The following AP3B2 variants were observed in gnomAD, a reference collection of about 807,000 sequenced individuals.
AP3B2 encodes the protein adaptor related protein complex 3 subunit beta 2.
In AP3B2, 50 loss-of-function variants were observed where a neutral mutation model predicts 126.9. That is an observed-to-expected ratio of 0.39 (90% CI 0.31 to 0.50). The LOEUF (loss-of-function observed/expected upper bound fraction) is 0.50. AP3B2 is among the 20% of genes least tolerant of loss of function. The pLI, the probability that AP3B2 is intolerant of heterozygous loss-of-function variation, is 0.79. For missense variants in AP3B2, 1,177 were observed against 1,426.4 expected, an observed-to-expected ratio of 0.83 and a Z score of 2.82; for synonymous variants, 541 against 565.0, an observed-to-expected ratio of 0.96 and a Z score of 0.60.
At chr15:82,707,555 C>A (rs376733083) in intron 1 of AP3B2, among the ~76,000 whole-genome samples, 1 of 152,162 alleles carries the variant, frequency 6.6e-6, no homozygotes, top group South Asian at 2.1e-4. Flanking sequence ...TTCTCCAAAC[C>A]ATTACAGCTG....
intron 14 of AP3B2, among the ~76,000 whole-genome samples, chr15:82,675,468 C>T (rs149167113): frequency 3.5e-4 from 54 of 152,344 alleles, no homozygotes; most frequent in African/African-American, 1.2e-3. Flanking sequence ...AAGACTCCCA[C>T]GCACAGTGGA....
chr15:82,696,963 C>G (rs961248067), intron 1 of AP3B2, among the ~76,000 whole-genome samples: 1 of 152,152 alleles, frequency 6.6e-6, no homozygotes, highest in Non-Finnish European at 1.5e-5. Flanking sequence ...CACTAATTTC[C>G]CAGATGACAC....
At chr15:82,698,948 A>C (rs1322561409) in intron 1 of AP3B2, among the ~76,000 whole-genome samples, 1 of 152,134 alleles carries the variant, frequency 6.6e-6, no homozygotes, top group Non-Finnish European at 1.5e-5. Flanking sequence ...ATATGCACTG[A>C]CACAGACCGC....
chr15:82,671,192 A>G (rs994283110), intron 14 of AP3B2, among the ~76,000 whole-genome samples: 4 of 152,218 alleles, frequency 2.6e-5, no homozygotes, highest in Non-Finnish European at 1.5e-5. Context: ...CTGAGGCAGG[A>G]GAATCACTTG....
At chr15:82,684,017 A>G (rs2048386855) in intron 4 of AP3B2, among the ~76,000 whole-genome samples, 1 of 152,208 alleles carries the variant, frequency 6.6e-6, no homozygotes, top group Non-Finnish European at 1.5e-5. Flanking sequence ...CTGTTGTTCC[A>G]TTTATAGAGC....
intron 1 of AP3B2, 173 bp from the exon 2 acceptor site, chr15:82,689,626 T>A: frequency 1.6e-6 from 1 of 611,898 alleles, no homozygotes; most frequent in Non-Finnish European, 2.9e-6. Context: ...GGGAAACATG[T>A]GGCCAGCTAA....
intron 14 of AP3B2, among the ~76,000 whole-genome samples, chr15:82,667,991 G>A (rs969897765): frequency 6.6e-6 from 1 of 152,180 alleles, no homozygotes; most frequent in African/African-American, 2.4e-5. Context: ...GGGCCGGCAG[G>A]AGGGAGCCTG....
chr15:82,707,493 C>T (rs2048814804), intron 1 of AP3B2, among the ~76,000 whole-genome samples: 1 of 152,216 alleles, frequency 6.6e-6, no homozygotes, highest in Non-Finnish European at 1.5e-5. Flanking sequence ...ATTCACCATA[C>T]TCAACTACTC....
At position 82,666,942 on chromosome 15, in the gene AP3B2, A is replaced by G; in HGVS notation, c.1666-9T>C. The G allele has an allele frequency of 6.2e-7, 1 of 1,604,754 alleles. No homozygotes were observed. The highest frequency in any genetic ancestry group is 8.5e-7 in the Non-Finnish European group (1 of 1,172,720). On this transcript the variant is annotated splice_polypyrimidine_tract_variant and intron_variant, in intron 14 of 26. Transcript: ENST00000535359. ...TGGGTCAGCAGCTTGGTCTGGAGGA[A>G]CAGGAAGAGGTGGGTCAGCTGACGG...
intron 1 of AP3B2, among the ~76,000 whole-genome samples, chr15:82,704,211 T>G (rs1019277984): frequency 1.3e-5 from 2 of 152,220 alleles, no homozygotes; most frequent in Admixed American, 1.3e-4. Flanking sequence ...TTTACAGCCC[T>G]AGACCCTAAA....
At chr15:82,691,772 T>C (rs1017774488) in intron 1 of AP3B2, 3 of 1,566,806 alleles carry the variant, frequency 1.9e-6, no homozygotes, top group African/African-American at 2.7e-5. Context: ...CCGGCTTTAG[T>C]ATGGAGAGTC....
At position 82,665,432 on chromosome 15, in the gene AP3B2, C is replaced by CA; in HGVS notation, c.1971+24dup. 2 of 1,466,332 alleles carry CA rather than the reference C, an allele frequency of 1.4e-6. No individual in the cohort carries two copies. The highest frequency in any genetic ancestry group is 2.3e-5 in the South Asian group (2 of 86,628). 90.8% of individuals were successfully genotyped at this position (1,466,332 alleles called of 1,614,324 possible). On this transcript the variant is annotated intron_variant, in intron 16 of 26. Transcript: ENST00000535359. This position sits in a 1 kb window ranked among gnomAD's most constrained non-coding sequence, Gnocchi z 4.4. The stretch of plus-strand genomic sequence containing the variant: ...ACACACACACACACACACACACACA[C>CA]ACTTCAACCCTCCACCCCGCTGACC...
chr15:82,689,136 T>C (rs1184299763), intron 3 of AP3B2, 22 bp downstream of exon 3: 1 of 1,612,302 alleles, frequency 6.2e-7, no homozygotes, highest in Non-Finnish European at 8.5e-7. Context: ...GGACAAGCAA[T>C]CCCTCACCAG....
intron 1 of AP3B2, among the ~76,000 whole-genome samples, chr15:82,703,142 T>C (rs550571277): frequency 7.4e-4 from 113 of 152,314 alleles, no homozygotes; most frequent in African/African-American, 2.5e-3. Flanking sequence ...GTTTAATCAC[T>C]GCGGGGACGC....
In AP3B2 at chr15:82,681,425, G is replaced by A; in HGVS notation, c.516C>T (p.Leu172=). 6.2e-7 allele frequency: 1 copy of A among 1,613,854 alleles called. No homozygotes were observed. The highest frequency in any genetic ancestry group is 8.5e-7 in the Non-Finnish European group (1 of 1,179,808). The part of the protein sequence containing the change: ...RKTAAHAIPK[L]YSLDSDQKDQ... ...GGGACAGGGCTGGGGCATACCTGTA[G>A]AGTTTAGGGATGGCGTGGGCAGCTG... The change falls in exon 5 of 27, where the codon CTC becomes CTT. Residue 172 remains leucine, a synonymous_variant. Coordinates refer to ENST00000535359, the MANE Select transcript of AP3B2 (RefSeq NM_001278512.2). The surrounding 1 kb of genome is among the most constrained non-coding windows in gnomAD (Gnocchi z 4.0).
intron 13 of AP3B2, 29 bp downstream of exon 13, chr15:82,677,245 G>A: frequency 6.5e-7 from 1 of 1,536,014 alleles, no homozygotes; most frequent in Non-Finnish European, 9.0e-7. Context: ...ACCTTGAAGT[G>A]GGGAGTGAAA....
intron 21 of AP3B2, 81 bp from the exon 22 acceptor site, chr15:82,663,314 G>A (rs1191836211): frequency 4.3e-6 from 5 of 1,164,556 alleles, no homozygotes; most frequent in Non-Finnish European, 6.3e-6. Context: ...CAAGGAGCAC[G>A]CATTTCAGCA....
At chr15:82,682,047 C>CTTTTTCTTTT (rs2048347908) in intron 4 of AP3B2, among the ~76,000 whole-genome samples, 1 of 79,944 alleles carries the variant, frequency 1.3e-5, no homozygotes, top group African/African-American at 5.5e-5. Flanking sequence ...TAGGCCCTTC[C>CTTTTTCTTTT]TTTTTTTTTT....
At chr15:82,662,275 A>AGGG in intron 23 of AP3B2, 23 bp from the exon 24 acceptor site, 4 of 1,559,772 alleles carry the variant, frequency 2.6e-6, no homozygotes, top group Non-Finnish European at 3.5e-6. Flanking sequence ...AAGGCAGTGA[A>AGGG]GGGGAGAGGG....
Sources: allele counts gnomAD v4.1 joint callset (sites outside exome capture counted in the v4.1 genomes callset), GRCh38; gene constraint gnomAD v4.1.1; non-coding constraint Gnocchi (gnomAD v3.1); transcripts MANE v1.5; gene names NCBI Gene and HGNC (gene_info 2026-07-23, HGNC 2026-07-21).